The following COL19A1 variants were observed in gnomAD, a reference collection of about 807,000 sequenced individuals.
COL19A1 encodes collagen type XIX alpha 1 chain.
COL19A1 carries 159 observed loss-of-function variants against 190.2 expected under a neutral mutation model. The observed-to-expected ratio is 0.84, with a 90% CI of 0.73 to 0.95. The LOEUF (loss-of-function observed/expected upper bound fraction) is 0.95. COL19A1 is among the 40% of genes least tolerant of loss of function. The pLI is 0.00. For missense variants in COL19A1, 1,418 were observed against 1,431.9 expected, an observed-to-expected ratio of 0.99 and a Z score of 0.16; for synonymous variants, 509 against 458.9, an observed-to-expected ratio of 1.11 and a Z score of -1.39.
chr6:69,873,852 T>G lies in COL19A1; in HGVS notation c.-32-5684T>G, dbSNP rs147265235. ...TACTGTGAGCCATCTTTGGACAAGT[T>G]TGAGAAAAAAATTTGAGGGCCTTAA... is the stretch of plus-strand genomic sequence containing the variant. On this transcript the variant is annotated intron_variant, in intron 1 of 50. Coordinates refer to ENST00000620364, the MANE Select transcript of COL19A1 (RefSeq NM_001858.6). Among the ~76,000 whole-genome samples, 28 of 152,214 alleles carry G rather than the reference T, an allele frequency of 1.8e-4. No homozygotes were observed. The East Asian group carries it at 5.4e-3, about 29-fold the overall frequency.
intron 6 of COL19A1, among the ~76,000 whole-genome samples, chr6:69,930,859 T>C (rs1341594674): frequency 6.6e-6 from 1 of 152,036 alleles, no homozygotes; most frequent in Non-Finnish European, 1.5e-5. Flanking sequence ...GGCTAAAGAA[T>C]ATCACGTGAA....
intron 50 of COL19A1, 28 bp from the exon 51 acceptor site, chr6:70,207,119 C>A (rs1237677686): frequency 6.3e-7 from 1 of 1,586,790 alleles, no homozygotes; most frequent in Non-Finnish European, 8.6e-7. Context: ...ATGTGATCTG[C>A]ATTGTAATTT....
At position 69,929,155 on chromosome 6, in the gene COL19A1, T is replaced by TACACACACACACACAC. The variant is rs141935825; in HGVS notation, c.391-259_391-244dup. Among the ~76,000 whole-genome samples, 125 of 148,656 alleles carry TACACACACACACACAC rather than the reference T, an allele frequency of 8.4e-4. 2 individuals are homozygous for TACACACACACACACAC. The South Asian group carries it at 0.025, about 30-fold the overall frequency. ...GGTTTATATAAACATTTAAAATAAC[T>TACACACACACACACAC]ACACACACACACACACACACACACA... On this transcript the variant is annotated intron_variant, in intron 5 of 50. Transcript: ENST00000620364.
chr6:70,064,451 G>T (rs1438849343), intron 14 of COL19A1, among the ~76,000 whole-genome samples: 4 of 152,078 alleles, frequency 2.6e-5, no homozygotes, highest in Admixed American at 2.6e-4. Context: ...GGTATTGATG[G>T]GACGTATCTC....
At chr6:70,173,701 A>G (rs896879017) in intron 41 of COL19A1, among the ~76,000 whole-genome samples, 2 of 152,022 alleles carry the variant, frequency 1.3e-5, no homozygotes, top group South Asian at 2.1e-4. Context: ...GAGAACGAGG[A>G]AAAAAAATAG....
intron 11 of COL19A1, among the ~76,000 whole-genome samples, chr6:69,986,570 T>G (rs1776328252): frequency 6.6e-6 from 1 of 152,132 alleles, no homozygotes. Flanking sequence ...CAACTAAAGT[T>G]TGAGAGCAGT....
intron 34 of COL19A1, among the ~76,000 whole-genome samples, chr6:70,159,541 T>C (rs1017557216): frequency 7.9e-5 from 12 of 152,140 alleles, no homozygotes; most frequent in Non-Finnish European, 1.3e-4. Context: ...TGAGGAATTC[T>C]AGCATGTTCA....
intron 19 of COL19A1, among the ~76,000 whole-genome samples, chr6:70,139,937 T>C (rs1399115859): frequency 2.6e-5 from 4 of 151,604 alleles, no homozygotes. Flanking sequence ...TTTTTTTTTT[T>C]CTTTTATAAC....
chr6:70,177,028 C>T (rs1440819971), intron 42 of COL19A1, among the ~76,000 whole-genome samples: 1 of 152,162 alleles, frequency 6.6e-6, no homozygotes, highest in Admixed American at 6.5e-5. Flanking sequence ...AATGTTTCCT[C>T]ATAAACTAGC....
intron 47 of COL19A1, among the ~76,000 whole-genome samples, chr6:70,188,810 T>C (rs1306679783): frequency 1.3e-5 from 2 of 152,202 alleles, no homozygotes; most frequent in Non-Finnish European, 2.9e-5. Flanking sequence ...GTGGCTATTC[T>C]GCAGAGAAAT....
chr6:70,144,373 G>A (rs1462252166), intron 24 of COL19A1, 110 bp downstream of exon 24: 2 of 921,442 alleles, frequency 2.2e-6, no homozygotes, highest in African/African-American at 1.7e-5. Flanking sequence ...TGTACAGATT[G>A]TGCACATTAA....
intron 14 of COL19A1, among the ~76,000 whole-genome samples, chr6:70,040,657 G>GA (rs1345426674): frequency 6.6e-6 from 1 of 151,972 alleles, no homozygotes; most frequent in East Asian, 1.9e-4. Flanking sequence ...GGGTCATATG[G>GA]AAAATACTCC....
At chr6:69,933,307 G>A (rs911823542) in intron 7 of COL19A1, among the ~76,000 whole-genome samples, 3 of 151,950 alleles carry the variant, frequency 2.0e-5, no homozygotes, top group Non-Finnish European at 2.9e-5. Flanking sequence ...CATTTACCTC[G>A]TGTCTGGGAT....
At chr6:69,896,796 A>G (rs1374733747) in intron 2 of COL19A1, among the ~76,000 whole-genome samples, 1 of 152,124 alleles carries the variant, frequency 6.6e-6, no homozygotes, top group East Asian at 1.9e-4. Context: ...TCTTTTTTGA[A>G]GTGTTTAAAT....
chr6:70,091,298 T>G (rs1265995097), intron 15 of COL19A1, among the ~76,000 whole-genome samples: 1 of 152,078 alleles, frequency 6.6e-6, no homozygotes, highest in Non-Finnish European at 1.5e-5. Flanking sequence ...CTCAAATATA[T>G]TTTGAGGATT....
chr6:70,030,738 C>G (rs1227076222), intron 12 of COL19A1, among the ~76,000 whole-genome samples: 1 of 152,126 alleles, frequency 6.6e-6, no homozygotes, highest in Non-Finnish European at 1.5e-5. Context: ...GGGATAACTT[C>G]CTAGCCAGTT....
intron 4 of COL19A1, among the ~76,000 whole-genome samples, chr6:69,904,167 G>A (rs968099586): frequency 5.9e-5 from 9 of 152,160 alleles, no homozygotes; most frequent in East Asian, 5.8e-4. Flanking sequence ...GAGGGAAAGC[G>A]TTCATCATCT....
At chr6:69,954,397 C>G (rs1334037618) in intron 9 of COL19A1, among the ~76,000 whole-genome samples, 1 of 151,872 alleles carries the variant, frequency 6.6e-6, no homozygotes, top group Non-Finnish European at 1.5e-5. Flanking sequence ...GTTCAGAATT[C>G]GAGGACTTAG....
intron 1 of COL19A1, among the ~76,000 whole-genome samples, chr6:69,868,010 G>A (rs1767583289): frequency 6.6e-6 from 1 of 151,536 alleles, no homozygotes; most frequent in Admixed American, 6.6e-5. Flanking sequence ...ATAAGTCTGA[G>A]GAGGATTAAG....
Sources: allele counts gnomAD v4.1 joint callset (sites outside exome capture counted in the v4.1 genomes callset), GRCh38; gene constraint gnomAD v4.1.1; transcripts MANE v1.5; gene names NCBI Gene and HGNC (gene_info 2026-07-23, HGNC 2026-07-21).